HNRNPC: variants seen among roughly 807,000 people sequenced by gnomAD.
HNRNPC encodes the protein heterogeneous nuclear ribonucleoprotein C.
Under a neutral mutation model 33.2 loss-of-function variants are expected in HNRNPC, and 3 were observed. The ratio of observed to expected loss-of-function variants is 0.09; its 90% confidence interval spans 0.04 to 0.23. HNRNPC has a LOEUF of 0.23. HNRNPC is among the 10% of genes least tolerant of loss of function. The pLI is 1.00. For missense variants in HNRNPC, 143 were observed against 366.7 expected (o/e 0.39, Z 4.98); for synonymous variants, 121 against 126.7 (o/e 0.96, Z 0.30).
chr14:21,214,031 T>C (rs1891894568), intron 5 of HNRNPC, among the ~76,000 whole-genome samples: 1 of 152,254 alleles, frequency 6.6e-6, no homozygotes. Context: ...ACAAAATACT[T>C]CTTACATGGA....
intron 3 of HNRNPC, 72 bp downstream of exon 3, chr14:21,233,881 T>C: frequency 6.4e-7 from 1 of 1,557,564 alleles, no homozygotes; most frequent in Non-Finnish European, 8.7e-7. Flanking sequence ...TTTACAGACA[T>C]AAAGACAAAA....
Position 21,211,892 on chromosome 14 carries a change from C to T in HNRNPC, c.555G>A (p.Lys185=), listed in dbSNP as rs764294247. 6.2e-7 allele frequency: 1 copy of T among 1,613,664 alleles called. No individual in the cohort carries two copies. Among genetic ancestry groups the T allele is most frequent in the Non-Finnish European group, 8.5e-7 (1 of 1,179,830 alleles). Reference sequence around the variant, plus strand: ...CTTTTTGTTTTATCTGGGTCAGCTCCTTCTTAATGGCCTGAAGGTCATCTC... The same window carrying T: ...CTTTTTGTTTTATCTGGGTCAGCTCTTTCTTAATGGCCTGAAGGTCATCTC... The part of the protein sequence containing the change: ...LKGDDLQAIK[K]ELTQIKQKVD... Residue 185 remains lysine (K), a synonymous_variant, in exon 7 of 9, where the codon AAG becomes AAA. Coordinates refer to ENST00000553300, the MANE Select transcript of HNRNPC (RefSeq NM_004500.4).
chr14:21,259,481 T>C (rs1411212296), intron 2 of HNRNPC, among the ~76,000 whole-genome samples: 1 of 152,234 alleles, frequency 6.6e-6, no homozygotes, highest in Non-Finnish European at 1.5e-5. Context: ...AAACATCTTA[T>C]ACTTGAATGT....
intron 5 of HNRNPC, among the ~76,000 whole-genome samples, chr14:21,221,402 C>T (rs977523966): frequency 5.3e-5 from 8 of 152,214 alleles, no homozygotes; most frequent in South Asian, 2.1e-4. Context: ...CATGTGGCCA[C>T]TGAACTTAAA....
chr14:21,259,882 C>CAAAAAAAAAAAA (rs5807071), intron 2 of HNRNPC, among the ~76,000 whole-genome samples: 2 of 132,902 alleles, frequency 1.5e-5, no homozygotes, highest in Non-Finnish European at 3.1e-5. Flanking sequence ...CTGTCTCCAC[C>CAAAAAAAAAAAA]AAAAAAAAAA....
intron 2 of HNRNPC, among the ~76,000 whole-genome samples, chr14:21,259,942 G>T (rs571782063): frequency 1.3e-5 from 2 of 149,972 alleles, no homozygotes; most frequent in Non-Finnish European, 3.0e-5. Flanking sequence ...GCTCACGCCT[G>T]TAATCCCAGC....
chr14:21,266,027 G>A (rs1045191376), intron 1 of HNRNPC, among the ~76,000 whole-genome samples: 1 of 152,168 alleles, frequency 6.6e-6, no homozygotes, highest in African/African-American at 2.4e-5. Context: ...TAGCCCTATT[G>A]ATTCTGGTGT....
Position 21,267,415 on chromosome 14 carries a change from C to A in HNRNPC, c.-63+1883G>T, listed in dbSNP as rs551117958. Reference sequence around the variant, plus strand: ...TTATTCTTTGCTTGTTTCGCACAGCCATTCCATCCAAAACAAGGTCGAATG... The same window carrying A: ...TTATTCTTTGCTTGTTTCGCACAGCAATTCCATCCAAAACAAGGTCGAATG... On this transcript the variant is annotated intron_variant, in intron 1 of 8. Coordinates refer to ENST00000553300, the MANE Select transcript of HNRNPC (RefSeq NM_004500.4). Among the ~76,000 whole-genome samples, 3 of 152,254 alleles carry A rather than the reference C, an allele frequency of 2.0e-5. No homozygotes were observed. The East Asian group carries it at 5.8e-4, about 29-fold the overall frequency.
At chr14:21,241,109 A>G (rs1448493616) in intron 2 of HNRNPC, among the ~76,000 whole-genome samples, 4 of 152,080 alleles carry the variant, frequency 2.6e-5, no homozygotes, top group Admixed American at 1.3e-4. Flanking sequence ...TCTCTACTAA[A>G]GACAAAAATT....
chr14:21,241,905 G>A (rs968075683), intron 2 of HNRNPC, among the ~76,000 whole-genome samples: 1 of 152,142 alleles, frequency 6.6e-6, no homozygotes, highest in African/African-American at 2.4e-5. Context: ...AACACATTAT[G>A]TTAACTGCTA....
At chr14:21,243,354 A>T (rs1895581935) in intron 2 of HNRNPC, among the ~76,000 whole-genome samples, 1 of 152,178 alleles carries the variant, frequency 6.6e-6, no homozygotes. Flanking sequence ...ATCATTCAGG[A>T]GAAAAGTGTA....
intron 3 of HNRNPC, 189 bp from the exon 4 acceptor site, chr14:21,231,261 G>A (rs1020633792): frequency 1.9e-5 from 13 of 681,912 alleles, no homozygotes; most frequent in Admixed American, 1.2e-4. Flanking sequence ...AGCCTCGAGA[G>A]TAACTGTCAC....
In HNRNPC at chr14:21,218,428, G is replaced by A. The variant is rs189933026; in HGVS notation, c.366-5311C>T. Among the ~76,000 whole-genome samples, 8 of 152,194 alleles carry A rather than the reference G, an allele frequency of 5.3e-5. No homozygotes were observed. In the East Asian group the frequency reaches 1.5e-3, roughly 29 times the overall value. On this transcript the variant is annotated intron_variant, in intron 5 of 8. Coordinates refer to ENST00000553300, the MANE Select transcript of HNRNPC (RefSeq NM_004500.4). Reference sequence around the variant, plus strand: ...AGGCTGGGCATGGTAGCCCATGCCTGTAATCCCAGCACTTCCGGAGGCCGA... The same window carrying A: ...AGGCTGGGCATGGTAGCCCATGCCTATAATCCCAGCACTTCCGGAGGCCGA...
intron 2 of HNRNPC, among the ~76,000 whole-genome samples, chr14:21,250,230 G>C (rs1176572589): frequency 1.3e-5 from 2 of 151,544 alleles, no homozygotes; most frequent in African/African-American, 4.9e-5. Context: ...TCCAGCCTGG[G>C]CAACGGAGCG....
At position 21,215,365 on chromosome 14, in the gene HNRNPC, C is replaced by T. The variant is rs1892043893; in HGVS notation, c.366-2248G>A. Among the ~76,000 whole-genome samples the T allele has an allele frequency of 2.6e-5, 4 of 152,122 alleles. No homozygotes were observed. The South Asian group carries it at 8.3e-4, about 31-fold the overall frequency. ...AAGCTCAGTATGACTACTTCAAGCACCAGCTAAAAATTAAGCGGAAATTCT... is the reference window on the plus strand; with the variant it reads ...AAGCTCAGTATGACTACTTCAAGCATCAGCTAAAAATTAAGCGGAAATTCT... On this transcript the variant is annotated intron_variant, in intron 5 of 8. Transcript: ENST00000553300.
At chr14:21,245,899 G>A (rs1020536430) in intron 2 of HNRNPC, among the ~76,000 whole-genome samples, 2 of 151,986 alleles carry the variant, frequency 1.3e-5, no homozygotes, top group Admixed American at 6.6e-5. Flanking sequence ...AGGCTGGAGT[G>A]CAGTGGCGCA....
chr14:21,269,105 G>A (rs549267798), intron 1 of HNRNPC, among the ~76,000 whole-genome samples, 193 bp downstream of exon 1: 9 of 152,036 alleles, frequency 5.9e-5, no homozygotes, highest in African/African-American at 1.4e-4. Context: ...TGGCCTAGAG[G>A]ACACCAGGTT....
intron 2 of HNRNPC, among the ~76,000 whole-genome samples, chr14:21,243,179 T>C (rs1895560007): frequency 6.6e-6 from 1 of 152,360 alleles, no homozygotes; most frequent in East Asian, 1.9e-4. Flanking sequence ...TTTATCTAGA[T>C]AATTTTACTA....
chr14:21,232,075 AT>A (rs1324098582), intron 3 of HNRNPC, among the ~76,000 whole-genome samples: 1 of 152,168 alleles, frequency 6.6e-6, no homozygotes, highest in East Asian at 1.9e-4. Context: ...ACCAAAAAAA[AT>A]AAAAGAGCAA....
Sources: allele counts gnomAD v4.1 joint callset (sites outside exome capture counted in the v4.1 genomes callset), GRCh38; gene constraint gnomAD v4.1.1; transcripts MANE v1.5; gene names NCBI Gene and HGNC (gene_info 2026-07-23, HGNC 2026-07-21).